The following RMDN1 variants were observed in gnomAD, a reference collection of about 807,000 sequenced individuals.
RMDN1 encodes regulator of microtubule dynamics 1, also known as regulator of microtubule dynamics protein 1.
In RMDN1, 48 loss-of-function variants were observed where a neutral mutation model predicts 48.9. The ratio of observed to expected loss-of-function variants is 0.98; its 90% CI spans 0.78 to 1.25. The LOEUF (loss-of-function observed/expected upper bound fraction) is 1.25. Ranked by LOEUF, RMDN1 falls within the 50% of genes most tolerant of loss-of-function variation. The pLI is 0.00. For synonymous variants in RMDN1, 148 were observed against 132.6 expected (o/e 1.12, Z -0.80); for missense variants, 418 against 373.4 (o/e 1.12, Z -0.98).
At chr8:86,505,328 G>A (rs1206858129) in intron 2 of RMDN1, 2 of 462,070 alleles carry the variant, frequency 4.3e-6, no homozygotes, top group Non-Finnish European at 8.6e-6. Flanking sequence ...TGGCCACTTG[G>A]CATATGACAA....
At chr8:86,505,360 T>G (rs769977964) in intron 2 of RMDN1, 1 of 457,798 alleles carries the variant, frequency 2.2e-6, no homozygotes, top group South Asian at 1.5e-5. Flanking sequence ...TTTCCTTCCT[T>G]GGGTTCTAAT....
At chr8:86,511,390 C>T (rs576020198), upstream of RMDN1, among the ~76,000 whole-genome samples, 4 of 151,562 alleles carry the variant, frequency 2.6e-5, no homozygotes, top group African/African-American at 9.7e-5. Context: ...AGGAGAATGG[C>T]GTGAACCCAG....
At chr8:86,503,307 G>A (rs568605360) in intron 2 of RMDN1, among the ~76,000 whole-genome samples, 16 of 149,246 alleles carry the variant, frequency 1.1e-4, no homozygotes, top group Middle Eastern at 7.1e-3. Context: ...AGCCGAGATC[G>A]CACCACTGCA....
In RMDN1 at chr8:86,480,296, T is replaced by C. The variant is rs776847515; in HGVS notation, c.622A>G (p.Ile208Val). 5 of 1,542,158 alleles carry C rather than the reference T, an allele frequency of 3.2e-6. No individual in the cohort carries two copies. Among genetic ancestry groups the C allele is most frequent in the Non-Finnish European group, 4.4e-6 (5 of 1,132,168 alleles). ...IELNPKDATS[I>V]HLMGIWCYTF... ...TCTTACCAAATACCCATAAGGTGAA[T>C]TGAAGTAGCATCTTTAGGGTTCAGT... is the stretch of plus-strand genomic sequence containing the variant. Residue 208 changes from isoleucine to valine, a missense_variant, in exon 6 of 10, where the codon ATT becomes GTT. Coordinates refer to ENST00000406452, the MANE Select transcript of RMDN1 (RefSeq NM_016033.3).
At chr8:86,468,439 A>G (rs1563564031), downstream of RMDN1, 1 of 438,714 alleles carries the variant, frequency 2.3e-6, no homozygotes, top group Non-Finnish European at 4.5e-6. Flanking sequence ...GAATTAAAAA[A>G]AAAATTCTAA....
chr8:86,480,265 A>C lies in RMDN1; in HGVS notation c.641+12T>G. The stretch of plus-strand genomic sequence containing the variant: ...CTAAATACTACTGAAATATTTAAAG[A>C]AATTTTCTTACCAAATACCCATAAG... On this transcript the variant is annotated intron_variant, in intron 6 of 9. Coordinates refer to ENST00000406452, the MANE Select transcript of RMDN1 (RefSeq NM_016033.3). The C allele has an allele frequency of 6.9e-7, 1 of 1,446,220 alleles. No homozygotes were observed. 89.6% of individuals were successfully genotyped at this position (1,446,220 alleles called of 1,614,324 possible). A position where few individuals can be genotyped will look rare whatever the true frequency, so the allele number is the denominator to read the frequency against.
At position 86,508,482 on chromosome 8, in the gene RMDN1, A is replaced by AC; in HGVS notation, c.129+9dup. 1 of 1,543,692 alleles carries AC rather than the reference A, an allele frequency of 6.5e-7. No individual in the cohort carries two copies. Among genetic ancestry groups the AC allele is most frequent in the Non-Finnish European group, 8.7e-7 (1 of 1,144,730 alleles). On this transcript the variant is annotated intron_variant, in intron 1 of 9. Transcript: ENST00000406452. ...GAAGTGAGGAGCGGGAGCCAGGACC[A>AC]CGGGGGTACCTCGAAGCCGCGGAAT...
At chr8:86,483,288 TA>T (rs1814883898) in intron 5 of RMDN1, among the ~76,000 whole-genome samples, 1 of 152,184 alleles carries the variant, frequency 6.6e-6, no homozygotes, top group Non-Finnish European at 1.5e-5. Context: ...CACTGTTTTT[TA>T]AAAAAATGGA....
chr8:86,501,402 G>A (rs1239809970), intron 2 of RMDN1, among the ~76,000 whole-genome samples: 4 of 152,140 alleles, frequency 2.6e-5, no homozygotes, highest in South Asian at 2.1e-4. Flanking sequence ...GCTGGGTGTC[G>A]TGGCTAATGC....
intron 6 of RMDN1, among the ~76,000 whole-genome samples, chr8:86,479,573 G>A (rs1813993645): frequency 6.6e-6 from 1 of 152,104 alleles, no homozygotes; most frequent in Non-Finnish European, 1.5e-5. Context: ...TATTTCATTT[G>A]GGTTTGCTTA....
At chr8:86,482,772 A>G (rs898143674) in intron 5 of RMDN1, 2 of 919,594 alleles carry the variant, frequency 2.2e-6, no homozygotes, top group African/African-American at 3.2e-5. Flanking sequence ...ACAGGACCCC[A>G]ATGTGACAAG....
At chr8:86,488,782 T>G in intron 2 of RMDN1, 143 bp from the exon 3 acceptor site, 1 of 475,806 alleles carries the variant, frequency 2.1e-6, no homozygotes. Flanking sequence ...ACAGCAGAAA[T>G]TAGGAAGAAC....
chr8:86,501,441 G>T (rs1818199426), intron 2 of RMDN1, among the ~76,000 whole-genome samples: 1 of 152,152 alleles, frequency 6.6e-6, no homozygotes, highest in African/African-American at 2.4e-5. Context: ...GGGAGGCTGA[G>T]GCAGGTGGAT....
chr8:86,514,258 C>A (rs1323546538), exon 1 of RMDN1: 1 of 985,188 alleles, frequency 1.0e-6, no homozygotes, highest in Non-Finnish European at 1.2e-6. Flanking sequence ...GTCAGTTTTG[C>A]CTTTTCAGTA....
downstream of RMDN1, chr8:86,470,490 C>T: frequency 8.7e-7 from 1 of 1,143,410 alleles, no homozygotes. Flanking sequence ...AGAAACCTAA[C>T]CCTCAGAGAG....
chr8:86,513,518 A>G (rs1820155980), upstream of RMDN1, among the ~76,000 whole-genome samples: 1 of 152,236 alleles, frequency 6.6e-6, no homozygotes, highest in Non-Finnish European at 1.5e-5. Context: ...TCATGTATCA[A>G]TATTTTCCAT....
chr8:86,501,919 TTA>T (rs1818299748), intron 2 of RMDN1, among the ~76,000 whole-genome samples: 1 of 149,862 alleles, frequency 6.7e-6, no homozygotes, highest in Non-Finnish European at 1.5e-5. Flanking sequence ...ATAAATACAT[TTA>T]AAAAAAAAAA....
At chr8:86,508,740 C>A, upstream of RMDN1, 1 of 1,396,356 alleles carries the variant, frequency 7.2e-7, no homozygotes, top group South Asian at 1.6e-5. Flanking sequence ...CACAGCACCT[C>A]TTCCGCCTCC....
downstream of RMDN1, among the ~76,000 whole-genome samples, chr8:86,470,890 G>A (rs1425054143): frequency 6.6e-6 from 1 of 152,146 alleles, no homozygotes; most frequent in Non-Finnish European, 1.5e-5. Context: ...AGGTAGATGG[G>A]TGTGACTGTA....
Sources: gnomAD v4.1 joint callset for allele counts (sites outside exome capture counted in the v4.1 genomes callset) on GRCh38, gnomAD v4.1.1 for gene constraint, MANE v1.5 for transcripts, NCBI Gene and HGNC (gene_info 2026-07-23, HGNC 2026-07-21) for gene names.